ALK: variants seen among roughly 807,000 people sequenced by gnomAD.
ALK encodes the protein ALK receptor tyrosine kinase, also known as ALK tyrosine kinase receptor.
ALK carries 74 observed loss-of-function variants against 163.1 expected under a neutral mutation model. The observed-to-expected ratio is 0.45, with a 90% CI of 0.38 to 0.55. The LOEUF (loss-of-function observed/expected upper bound fraction) is 0.55. Ranked by LOEUF, ALK falls within the 20% of genes least tolerant of loss-of-function variation. The pLI, the probability that ALK is intolerant of heterozygous loss-of-function variation, is 0.00. For missense variants in ALK, 2,063 were observed against 2,105.3 expected (o/e 0.98, Z 0.39); for synonymous variants, 960 against 843.2 (o/e 1.14, Z -2.40).
At chr2:29,808,064 T>C (rs1376180393) in intron 1 of ALK, among the ~76,000 whole-genome samples, 1 of 152,218 alleles carries the variant, frequency 6.6e-6, no homozygotes, top group African/African-American at 2.4e-5. Flanking sequence ...TTGGTTTTCA[T>C]TTTATCTCTT....
At chr2:29,845,769 C>T (rs1335714469) in intron 1 of ALK, among the ~76,000 whole-genome samples, 1 of 152,246 alleles carries the variant, frequency 6.6e-6, no homozygotes, top group South Asian at 2.1e-4. Flanking sequence ...ATCTAGTTTA[C>T]CATTTCCCCA....
chr2:29,887,049 T>C (rs184673701), intron 1 of ALK, among the ~76,000 whole-genome samples: 7 of 152,336 alleles, frequency 4.6e-5, no homozygotes, highest in African/African-American at 1.7e-4. Context: ...TCCAGTGCTT[T>C]CACATTTTAC....
intron 4 of ALK, among the ~76,000 whole-genome samples, chr2:29,469,308 T>C (rs576074349): frequency 2.0e-5 from 3 of 152,314 alleles, no homozygotes; most frequent in South Asian, 2.1e-4. Context: ...TTGTGCCAAA[T>C]TGCCTTCTCA....
chr2:29,556,082 C>G (rs918302467), intron 3 of ALK, among the ~76,000 whole-genome samples: 24 of 152,122 alleles, frequency 1.6e-4, no homozygotes, highest in African/African-American at 5.8e-4. Context: ...GCACCCCAAG[C>G]CAAACCTGGC....
chr2:29,467,804 G>A (rs1471427229), intron 4 of ALK, among the ~76,000 whole-genome samples: 4 of 152,086 alleles, frequency 2.6e-5, no homozygotes, highest in Non-Finnish European at 2.9e-5. Context: ...ACATTAGAGA[G>A]ATTTGCAAAA....
At chr2:29,702,300 T>C (rs916908375) in intron 2 of ALK, among the ~76,000 whole-genome samples, 5 of 152,018 alleles carry the variant, frequency 3.3e-5, no homozygotes, top group Non-Finnish European at 7.4e-5. Flanking sequence ...CCACACTTCA[T>C]ACTACAACAA....
intron 1 of ALK, among the ~76,000 whole-genome samples, chr2:29,759,473 T>C (rs1191097390): frequency 1.3e-5 from 2 of 152,018 alleles, no homozygotes; most frequent in African/African-American, 4.8e-5. Flanking sequence ...AAGTGGAGAG[T>C]GGAGAAAGAG....
intron 4 of ALK, among the ~76,000 whole-genome samples, chr2:29,428,177 G>T (rs1024842344): frequency 2.0e-5 from 3 of 151,942 alleles, no homozygotes; most frequent in Non-Finnish European, 4.4e-5. Flanking sequence ...TAAAAAAGAA[G>T]ATAGTTGTCA....
At chr2:29,851,966 T>C (rs1174863220) in intron 1 of ALK, among the ~76,000 whole-genome samples, 4 of 152,164 alleles carry the variant, frequency 2.6e-5, no homozygotes, top group Non-Finnish European at 1.5e-5. Flanking sequence ...GAATGAGAGG[T>C]AGAACCTGTA....
rs184655065 is a variant in ALK, at chr2:29,858,324, A to G, written c.667+61669T>C. The stretch of plus-strand genomic sequence containing the variant: ...GTAGGCACTCTAACATTATATGAAT[A>G]ATAGCACATAATTAAGCATGAGGAA... On this transcript the variant is annotated intron_variant, in intron 1 of 28. Coordinates refer to ENST00000389048, the MANE Select transcript of ALK (RefSeq NM_004304.5). Among the ~76,000 whole-genome samples the G allele has an allele frequency of 7.9e-5, 12 of 152,308 alleles. No individual in the cohort carries two copies. In the East Asian group the frequency reaches 2.1e-3, roughly 27 times the overall value.
chr2:29,290,515 G>A (rs1172827769), intron 9 of ALK, among the ~76,000 whole-genome samples: 1 of 152,212 alleles, frequency 6.6e-6, no homozygotes, highest in African/African-American at 2.4e-5. Flanking sequence ...GGGGCAGACA[G>A]GCAGGAGGAC....
chr2:29,570,521 T>C (rs1020775782), intron 3 of ALK, among the ~76,000 whole-genome samples: 10 of 152,178 alleles, frequency 6.6e-5, no homozygotes, highest in Admixed American at 6.5e-4. Flanking sequence ...TGAGGGATTG[T>C]AAAGGTCAAA....
At chr2:29,255,319 AGC>A (rs1664923458) in intron 11 of ALK, among the ~76,000 whole-genome samples, 1 of 152,220 alleles carries the variant, frequency 6.6e-6, no homozygotes, top group Non-Finnish European at 1.5e-5. Context: ...AGAATGTCAC[AGC>A]ACAGTGGGAC....
rs34077181 is a variant in ALK at position 29,557,904 on chromosome 2, T to C, written c.953-25788A>G. Among the ~76,000 whole-genome samples, 1,056 of 152,256 alleles carry C rather than the reference T, an allele frequency of 6.9e-3. 6 individuals carry two copies. The highest frequency in any genetic ancestry group is 0.024 in the African/African-American group (1,013 of 41,542). ...TCCAGAGAGTCTAAGCTTATACTCA[T>C]GCGCTCTTTCGAAGCCCTGGCAAAG... On this transcript the variant is annotated intron_variant, in intron 3 of 28. Coordinates refer to ENST00000389048, the MANE Select transcript of ALK (RefSeq NM_004304.5).
intron 3 of ALK, among the ~76,000 whole-genome samples, chr2:29,613,335 C>T (rs554451314): frequency 2.6e-5 from 4 of 152,196 alleles, no homozygotes; most frequent in African/African-American, 7.2e-5. Flanking sequence ...GGCTTTCCTT[C>T]CATTTTTAAT....
chr2:29,322,725 T>C (rs540835480), intron 6 of ALK, among the ~76,000 whole-genome samples: 1 of 152,236 alleles, frequency 6.6e-6, no homozygotes, highest in South Asian at 2.1e-4. Flanking sequence ...TCTCAGCTAC[T>C]CGGGAGGCTG....
At chr2:29,301,189 T>C (rs1436261213) in intron 8 of ALK, among the ~76,000 whole-genome samples, 1 of 152,198 alleles carries the variant, frequency 6.6e-6, no homozygotes, top group Non-Finnish European at 1.5e-5. Flanking sequence ...TCTATACTTT[T>C]TATTCTTTTG....
chr2:29,678,807 T>C (rs1320633486), intron 3 of ALK, among the ~76,000 whole-genome samples: 1 of 151,836 alleles, frequency 6.6e-6, no homozygotes, highest in Non-Finnish European at 1.5e-5. Flanking sequence ...GCCTGGCATA[T>C]GGTCTATATT....
chr2:29,695,011 A>G lies in ALK; in HGVS notation c.791T>C (p.Leu264Pro). ...PFLSHRSRYG[L>P]ECSFDFPCEL... ...ACAGGGGAAGTCAAAGCTGCACTCCAGACCTGCAATAATAGCCAAGGGTCA... is the reference window on the plus strand; with the variant it reads ...ACAGGGGAAGTCAAAGCTGCACTCCGGACCTGCAATAATAGCCAAGGGTCA... Residue 264 changes from leucine to proline, a missense_variant, in exon 3 of 29, where the codon CTG becomes CCG. By Grantham distance (98) the Leu-to-Pro change is moderately conservative. Coordinates refer to ENST00000389048, the MANE Select transcript of ALK (RefSeq NM_004304.5). 1 of 1,614,090 alleles carries G rather than the reference A, an allele frequency of 6.2e-7. No individual in the cohort carries two copies. The highest frequency in any genetic ancestry group is 8.5e-7 in the Non-Finnish European group (1 of 1,179,980).
Sources: allele counts gnomAD v4.1 joint callset (sites outside exome capture counted in the v4.1 genomes callset), GRCh38; gene constraint gnomAD v4.1.1; transcripts MANE v1.5; gene names NCBI Gene and HGNC (gene_info 2026-07-23, HGNC 2026-07-21).